Variants in PCDH15 observed in about 807,000 individuals in gnomAD.
PCDH15 encodes protocadherin-15.
A neutral mutation model predicts 178.5 loss-of-function variants in PCDH15; 129 were observed. The observed-to-expected ratio is 0.72, with a 90% CI of 0.63 to 0.84. PCDH15 has a LOEUF of 0.84. Ranked by LOEUF, PCDH15 falls within the 40% of genes least tolerant of loss-of-function variation. The probability of loss-of-function intolerance (pLI) is 0.00; values close to 1 mark genes in which losing one functional copy is unlikely to be tolerated. For synonymous variants in PCDH15, 800 were observed against 732.0 expected (o/e 1.09, Z -1.50); for missense variants, 2,230 against 2,099.9 (o/e 1.06, Z -1.21).
At chr10:55,351,613 C>T (rs1311356060) in intron 2 of PCDH15, among the ~76,000 whole-genome samples, 1 of 152,088 alleles carries the variant, frequency 6.6e-6, no homozygotes, top group Admixed American at 6.6e-5. Context: ...TCTTTATTGT[C>T]ATTGTTTGCT....
At chr10:54,110,297 G>C (rs560446199) in intron 15 of PCDH15, among the ~76,000 whole-genome samples, 52 of 142,780 alleles carry the variant, frequency 3.6e-4, no homozygotes, top group Non-Finnish European at 5.9e-4. Context: ...TCAGAGAATA[G>C]AGACAAAAGT....
chr10:54,528,074 C>T, intron 2 of PCDH15, among the ~76,000 whole-genome samples, 197 bp from the exon 3 acceptor site: 1 of 152,066 alleles, frequency 6.6e-6, no homozygotes, highest in East Asian at 1.9e-4. Flanking sequence ...AATACAGTCA[C>T]TTTGTGCATC....
intron 2 of PCDH15, among the ~76,000 whole-genome samples, chr10:55,069,836 C>A (rs1352035572): frequency 1.1e-4 from 16 of 149,436 alleles, no homozygotes; most frequent in South Asian, 2.2e-4. Flanking sequence ...AGTTCTAGAT[C>A]CCTGAGGAAC....
rs150248549 is a variant in PCDH15 at position 54,664,216 on chromosome 10, A to G, written c.47T>C (p.Ile16Thr). 6.2e-7 allele frequency: 1 copy of G among 1,612,240 alleles called. No homozygotes were observed. The highest frequency in any genetic ancestry group is 1.3e-5 in the African/African-American group (1 of 74,840). The change falls in exon 2 of 38, where the codon ATC becomes ACC. Residue 16 changes from isoleucine to threonine, a missense_variant. Transcript: ENST00000644397. ...YLWTCLASGI[I>T]LGSLFEICLG... ...GCAGATTTCAAAGAGAGAGCCCAGG[A>G]TGATCCCTGAAGCTAAACATGTCCA...
intron 2 of PCDH15, among the ~76,000 whole-genome samples, chr10:54,546,883 T>C (rs1401030102): frequency 6.6e-6 from 1 of 152,140 alleles, no homozygotes; most frequent in Non-Finnish European, 1.5e-5. Flanking sequence ...ATGGCACTGA[T>C]GGTGATATGA....
chr10:54,099,513 A>AAAAAAAATAAAT (rs1347306483), intron 15 of PCDH15, among the ~76,000 whole-genome samples: 1 of 117,932 alleles, frequency 8.5e-6, no homozygotes, highest in Non-Finnish European at 1.6e-5. Flanking sequence ...AAAAAAAAAA[A>AAAAAAAATAAAT]ATATATATAT....
intron 3 of PCDH15, among the ~76,000 whole-genome samples, chr10:54,448,423 T>C (rs1161534390): frequency 4.6e-5 from 7 of 151,642 alleles, no homozygotes; most frequent in Admixed American, 4.0e-4. Flanking sequence ...GACAATATCA[T>C]GAATCATTTA....
chr10:54,538,369 A>C (rs35088867), intron 2 of PCDH15, among the ~76,000 whole-genome samples: 20,645 of 113,548 alleles, frequency 0.18, 1,430 homozygotes, highest in African/African-American at 0.24. Flanking sequence ...AATAGGGGGT[A>C]CTTTCCCCAT....
intron 2 of PCDH15, among the ~76,000 whole-genome samples, chr10:55,387,347 C>T (rs1192869112): frequency 6.6e-6 from 1 of 152,026 alleles, no homozygotes; most frequent in Non-Finnish European, 1.5e-5. Flanking sequence ...CCACTCTCAC[C>T]AGCTTCGATC....
At chr10:55,312,807 G>C (rs1843621363) in intron 1 of PCDH15, among the ~76,000 whole-genome samples, 1 of 151,972 alleles carries the variant, frequency 6.6e-6, no homozygotes, top group Non-Finnish European at 1.5e-5. Flanking sequence ...AGTAGAGACA[G>C]GGATTCTCCA....
intron 2 of PCDH15, among the ~76,000 whole-genome samples, chr10:55,104,559 T>C (rs1360211513): frequency 1.3e-5 from 2 of 152,112 alleles, no homozygotes; most frequent in African/African-American, 4.8e-5. Context: ...AAAAAGAAGG[T>C]TATTTCACAA....
chr10:54,955,978 A>C (rs970553040), intron 2 of PCDH15, among the ~76,000 whole-genome samples: 19 of 151,448 alleles, frequency 1.3e-4, no homozygotes, highest in African/African-American at 4.3e-4. Context: ...GAATTTCAGT[A>C]TTGAAATACT....
intron 2 of PCDH15, among the ~76,000 whole-genome samples, chr10:55,359,747 T>TAC (rs57691062): frequency 0.012 from 941 of 81,582 alleles, 3 homozygotes; most frequent in Non-Finnish European, 0.017. Flanking sequence ...TATATATATA[T>TAC]ACACACACAC....
rs1472720236 is a variant in PCDH15, at chr10:54,556,304, T to C, written c.92-28427A>G. ...CAATGATGTACCTGGACAGTTTTACTGCAGAAGTGTACTGAGGCACCCAGG... is the reference window on the plus strand; with the variant it reads ...CAATGATGTACCTGGACAGTTTTACCGCAGAAGTGTACTGAGGCACCCAGG... On this transcript the variant is annotated intron_variant, in intron 2 of 37. Transcript: ENST00000644397. Among the ~76,000 whole-genome samples the C allele has an allele frequency of 2.0e-5, 3 of 152,198 alleles. 1 individual carries two copies. The highest frequency in any genetic ancestry group is 4.4e-5 in the Non-Finnish European group (3 of 68,020).
At chr10:55,437,472 A>G (rs181803687) in intron 2 of PCDH15, among the ~76,000 whole-genome samples, 146 of 152,272 alleles carry the variant, frequency 9.6e-4, no homozygotes, top group African/African-American at 3.3e-3. Flanking sequence ...TCAAGCTCAC[A>G]GTTTTGGAAA....
At chr10:53,990,041 CTGTT>C (rs1282350224) in intron 21 of PCDH15, among the ~76,000 whole-genome samples, 18 of 152,118 alleles carry the variant, frequency 1.2e-4, no homozygotes, top group African/African-American at 4.3e-4. Context: ...AACAGAATGA[CTGTT>C]TGGAGGGTTA....
At chr10:53,956,872 T>C (rs1388474270) in intron 23 of PCDH15, among the ~76,000 whole-genome samples, 1 of 152,210 alleles carries the variant, frequency 6.6e-6, no homozygotes, top group Non-Finnish European at 1.5e-5. Flanking sequence ...TAAGAGAATC[T>C]ATTTGTAGTT....
chr10:54,404,930 C>G (rs1024680904), intron 3 of PCDH15, among the ~76,000 whole-genome samples: 1 of 151,988 alleles, frequency 6.6e-6, no homozygotes, highest in African/African-American at 2.4e-5. Flanking sequence ...AAATCCAAGT[C>G]AAAACCACAA....
chr10:55,284,041 G>T (rs1392439227), intron 1 of PCDH15, among the ~76,000 whole-genome samples: 1 of 152,084 alleles, frequency 6.6e-6, no homozygotes, highest in Non-Finnish European at 1.5e-5. Flanking sequence ...TTTCCATGGA[G>T]TTCTCTTGTG....
Sources: gnomAD v4.1 joint callset for allele counts (sites outside exome capture counted in the v4.1 genomes callset) on GRCh38, gnomAD v4.1.1 for gene constraint, MANE v1.5 for transcripts, NCBI Gene and HGNC (gene_info 2026-07-23, HGNC 2026-07-21) for gene names.